Variants in MED12L observed in about 807,000 individuals in gnomAD.
MED12L encodes the protein mediator complex subunit 12L, also known as mediator of RNA polymerase II transcription subunit 12-like protein.
A neutral mutation model predicts 281.3 loss-of-function variants in MED12L; 60 were observed. The ratio of observed to expected loss-of-function variants is 0.21; its 90% CI spans 0.17 to 0.26. MED12L has a LOEUF of 0.26. MED12L is among the 10% of genes least tolerant of loss of function. The pLI is 1.00. For synonymous variants in MED12L, 974 were observed against 987.2 expected (o/e 0.99, Z 0.25); for missense variants, 2,146 against 2,680.9 (o/e 0.80, Z 4.41).
intron 2 of MED12L, among the ~76,000 whole-genome samples, chr3:151,113,754 TCTTTTC>T (rs1712298242): frequency 6.6e-6 from 1 of 152,220 alleles, no homozygotes. Flanking sequence ...TGTTCCATGT[TCTTTTC>T]CTTCTGGGGA....
chr3:151,093,280 G>C (rs1310875262), intron 2 of MED12L, among the ~76,000 whole-genome samples: 1 of 152,122 alleles, frequency 6.6e-6, no homozygotes, highest in Non-Finnish European at 1.5e-5. Flanking sequence ...CTCCAGCTTG[G>C]GCTATAGAGT....
At position 151,312,532 on chromosome 3, in the gene MED12L, G is replaced by A. The variant is rs201336370; in HGVS notation, c.2251-37527G>A. On this transcript the variant is annotated intron_variant, in intron 16 of 44. Coordinates refer to ENST00000687756, the MANE Select transcript of MED12L (RefSeq NM_001393769.1). ...TAGACTCAAGGACTTGGAAAACAAAGTTTCACTTTGTTATATGTCCTCCAG... is the reference window on the plus strand; with the variant it reads ...TAGACTCAAGGACTTGGAAAACAAAATTTCACTTTGTTATATGTCCTCCAG... Among the ~76,000 whole-genome samples, 55 of 152,216 alleles carry A rather than the reference G, an allele frequency of 3.6e-4. No individual in the cohort carries two copies. The East Asian group carries it at 0.01, about 28-fold the overall frequency.
At chr3:151,294,791 A>G (rs775348524) in intron 16 of MED12L, 1 of 1,614,212 alleles carries the variant, frequency 6.2e-7, no homozygotes, top group Admixed American at 1.7e-5. Context: ...TATGCTGTAC[A>G]TCCGAGAGTC....
At chr3:151,220,543 C>A (rs553696734) in intron 16 of MED12L, among the ~76,000 whole-genome samples, 1 of 152,116 alleles carries the variant, frequency 6.6e-6, no homozygotes, top group Non-Finnish European at 1.5e-5. Context: ...GGAAGGGAGC[C>A]AGTGGGAGAT....
intron 39 of MED12L, among the ~76,000 whole-genome samples, chr3:151,395,298 G>C (rs1354554553): frequency 6.6e-6 from 1 of 151,952 alleles, no homozygotes; most frequent in Non-Finnish European, 1.5e-5. Context: ...ATGTTTCCTA[G>C]GTTTTCTCTG....
intron 16 of MED12L, among the ~76,000 whole-genome samples, chr3:151,305,606 C>T (rs1040794571): frequency 6.6e-6 from 1 of 152,024 alleles, no homozygotes; most frequent in Admixed American, 6.6e-5. Flanking sequence ...TTAAGTTGCC[C>T]TGACTCACAC....
chr3:151,213,223 A>G (rs1176416255), intron 16 of MED12L: 4 of 1,100,756 alleles, frequency 3.6e-6, no homozygotes, highest in Admixed American at 2.3e-5. Flanking sequence ...ATGAGGGCAC[A>G]TATCTTATTG....
chr3:151,417,092 A>T (rs1250005126), intron 43 of MED12L, among the ~76,000 whole-genome samples: 1 of 152,214 alleles, frequency 6.6e-6, no homozygotes, highest in African/African-American at 2.4e-5. Flanking sequence ...ATCCATAATT[A>T]TATCACTTGC....
intron 5 of MED12L, among the ~76,000 whole-genome samples, chr3:151,144,498 CT>C (rs1241510396): frequency 2.0e-5 from 3 of 152,122 alleles, no homozygotes; most frequent in Non-Finnish European, 4.4e-5. Flanking sequence ...TTGTCGACCC[CT>C]CTCCCCTATT....
chr3:151,328,098 A>T, intron 16 of MED12L: 1 of 1,610,142 alleles, frequency 6.2e-7, no homozygotes. Context: ...TTTTTACATA[A>T]GAATATGTAT....
intron 16 of MED12L, among the ~76,000 whole-genome samples, chr3:151,265,334 G>T (rs146652162): frequency 2.0e-5 from 3 of 152,150 alleles, no homozygotes; most frequent in African/African-American, 7.2e-5. Flanking sequence ...TAAAACTGTT[G>T]AGTTTATTTT....
At chr3:151,393,385 C>T (rs12498042) in intron 38 of MED12L, among the ~76,000 whole-genome samples, 45,060 of 151,978 alleles carry the variant, frequency 0.3, 7,515 homozygotes, top group Non-Finnish European at 0.38. Flanking sequence ...TAGTCAATTA[C>T]GGTGTTGAAT....
intron 16 of MED12L, among the ~76,000 whole-genome samples, chr3:151,241,614 A>ATG (rs566577750): frequency 1.3e-5 from 2 of 152,258 alleles, no homozygotes; most frequent in Non-Finnish European, 2.9e-5. Flanking sequence ...GGTTATATAT[A>ATG]TGTGTGTGTG....
chr3:151,248,311 A>T (rs1736151978), intron 16 of MED12L, among the ~76,000 whole-genome samples: 1 of 152,178 alleles, frequency 6.6e-6, no homozygotes, highest in Non-Finnish European at 1.5e-5. Context: ...CATTAAATCC[A>T]TACCAGTGAC....
At chr3:151,377,256 T>C in intron 30 of MED12L, 78 bp downstream of exon 30, 1 of 1,163,286 alleles carries the variant, frequency 8.6e-7, no homozygotes, top group Admixed American at 2.3e-5. Context: ...CACAGTGATT[T>C]TTCTTTAAGT....
chr3:151,329,056 C>G, intron 16 of MED12L: 1 of 1,363,132 alleles, frequency 7.3e-7, no homozygotes, highest in Non-Finnish European at 1.0e-6. Flanking sequence ...AAAAGCCCTT[C>G]ATGATTTTCA....
intron 16 of MED12L, among the ~76,000 whole-genome samples, chr3:151,247,503 A>G (rs1052078264): frequency 9.3e-5 from 14 of 151,300 alleles, no homozygotes; most frequent in Admixed American, 3.3e-4. Flanking sequence ...TCAGTAAACT[A>G]TCGCAAGAAC....
intron 14 of MED12L, 152 bp downstream of exon 14, chr3:151,191,083 A>G: frequency 1.5e-6 from 1 of 661,804 alleles, no homozygotes; most frequent in Non-Finnish European, 2.6e-6. Flanking sequence ...CGAGCAGGAA[A>G]GATATTTACA....
At chr3:151,303,376 GAGA>G (rs1044181011) in intron 16 of MED12L, among the ~76,000 whole-genome samples, 2 of 152,116 alleles carry the variant, frequency 1.3e-5, no homozygotes, top group African/African-American at 4.8e-5. Context: ...CTGGAGCTTG[GAGA>G]AGTACTCCTG....
Sources: gnomAD v4.1 joint callset for allele counts (sites outside exome capture counted in the v4.1 genomes callset) on GRCh38, gnomAD v4.1.1 for gene constraint, MANE v1.5 for transcripts, NCBI Gene and HGNC (gene_info 2026-07-23, HGNC 2026-07-21) for gene names.